Variants in CCDC149 observed in about 807,000 individuals in gnomAD.
The protein encoded by CCDC149 is coiled-coil domain-containing protein 149.
Under a neutral mutation model 59.9 loss-of-function variants are expected in CCDC149, and 45 were observed. That is an observed-to-expected ratio of 0.75 (90% CI 0.59 to 0.96). CCDC149 has a LOEUF of 0.96. CCDC149 is among the 40% of genes least tolerant of loss of function. The probability of loss-of-function intolerance (pLI) is 0.00; values close to 1 mark genes in which losing one functional copy is unlikely to be tolerated. For missense variants in CCDC149, 584 were observed against 664.7 expected, an observed-to-expected ratio of 0.88 and a Z score of 1.33; for synonymous variants, 245 against 260.6, an observed-to-expected ratio of 0.94 and a Z score of 0.58.
intron 4 of CCDC149, among the ~76,000 whole-genome samples, chr4:24,840,600 T>C (rs73103208): frequency 0.014 from 2,076 of 152,210 alleles, 50 homozygotes; most frequent in African/African-American, 0.047. Context: ...CTAGTGAGCG[T>C]CCCACATTTG....
chr4:24,874,264 T>TTTG (rs1719264207), intron 2 of CCDC149, among the ~76,000 whole-genome samples: 1 of 32,854 alleles, frequency 3.0e-5, no homozygotes, highest in African/African-American at 8.2e-5. Context: ...TTTTTTGTTT[T>TTTG]GTTTTTTTTT....
intron 4 of CCDC149, among the ~76,000 whole-genome samples, chr4:24,844,891 G>A (rs1407883844): frequency 6.6e-6 from 1 of 152,020 alleles, no homozygotes; most frequent in African/African-American, 2.4e-5. Flanking sequence ...ACTATCCTAG[G>A]TGCTGATCCC....
intron 1 of CCDC149, among the ~76,000 whole-genome samples, chr4:24,924,766 C>T (rs2109338471): frequency 6.6e-6 from 1 of 152,236 alleles, no homozygotes; most frequent in African/African-American, 2.4e-5. Flanking sequence ...TCATTTCCAC[C>T]ACATTATTTT....
intron 1 of CCDC149, among the ~76,000 whole-genome samples, chr4:24,960,672 A>G (rs2109360940): frequency 6.6e-6 from 1 of 152,338 alleles, no homozygotes; most frequent in African/African-American, 2.4e-5. Context: ...TGGCTATTTC[A>G]TTATGAAAAG....
At chr4:24,901,557 T>C (rs1202670520) in intron 1 of CCDC149, among the ~76,000 whole-genome samples, 2 of 152,192 alleles carry the variant, frequency 1.3e-5, no homozygotes, top group Admixed American at 6.5e-5. Flanking sequence ...CAGTTAAAAA[T>C]AGCAGTTGAG....
At chr4:24,872,721 C>T (rs1193528201) in intron 3 of CCDC149, among the ~76,000 whole-genome samples, 1 of 151,554 alleles carries the variant, frequency 6.6e-6, no homozygotes, top group Non-Finnish European at 1.5e-5. Flanking sequence ...CAGCATGCAC[C>T]CGCCAAATGG....
intron 1 of CCDC149, among the ~76,000 whole-genome samples, chr4:24,946,103 C>T (rs971923954): frequency 3.9e-5 from 6 of 152,184 alleles, no homozygotes; most frequent in East Asian, 1.9e-4. Flanking sequence ...AGACACACCA[C>T]CCTTGCTTGA....
intron 12 of CCDC149, among the ~76,000 whole-genome samples, chr4:24,814,533 G>A (rs534961562): frequency 5.2e-4 from 79 of 152,294 alleles, no homozygotes; most frequent in Non-Finnish European, 1.1e-3. Context: ...GACCAGCAGT[G>A]GCAGCATCAC....
chr4:24,967,133 G>T (rs1013522791), intron 1 of CCDC149, among the ~76,000 whole-genome samples: 2 of 152,120 alleles, frequency 1.3e-5, no homozygotes, highest in Admixed American at 1.3e-4. Context: ...CATTCTGGAG[G>T]TGGATATTTT....
chr4:24,917,894 T>G (rs947199467), upstream of CCDC149, among the ~76,000 whole-genome samples: 1 of 152,122 alleles, frequency 6.6e-6, no homozygotes, highest in Non-Finnish European at 1.5e-5. Flanking sequence ...GCAGGGCCCG[T>G]GCTGCTGACG....
intron 8 of CCDC149, 108 bp from the exon 9 acceptor site, chr4:24,831,758 G>A (rs1294736700): frequency 9.0e-6 from 9 of 997,238 alleles, no homozygotes; most frequent in East Asian, 2.7e-5. Flanking sequence ...GCTTCAAAAT[G>A]CTACTATGTT....
chr4:24,880,300 C>A (rs902976875), intron 1 of CCDC149, among the ~76,000 whole-genome samples: 2 of 152,232 alleles, frequency 1.3e-5, no homozygotes, highest in Admixed American at 1.3e-4. Context: ...GTACCACATA[C>A]GCTAGGCATG....
chr4:24,828,346 AT>A (rs1715901445), intron 9 of CCDC149: 1 of 152,006 alleles, frequency 6.6e-6, no homozygotes, highest in Non-Finnish European at 1.5e-5. Flanking sequence ...TATATTGTGC[AT>A]TTGCTTATAC....
intron 1 of CCDC149, among the ~76,000 whole-genome samples, chr4:24,962,982 A>T: frequency 6.6e-6 from 1 of 152,026 alleles, no homozygotes; most frequent in African/African-American, 2.4e-5. Flanking sequence ...AAACTTAAAA[A>T]AAAAAGAAAA....
intron 9 of CCDC149, chr4:24,830,327 A>G (rs960612245): frequency 3.3e-5 from 5 of 152,226 alleles, no homozygotes; most frequent in African/African-American, 1.2e-4. Context: ...CCTGAGAAGC[A>G]ACTGCATTTC....
intron 1 of CCDC149, among the ~76,000 whole-genome samples, chr4:24,976,291 A>G (rs1044248767): frequency 6.6e-6 from 1 of 152,106 alleles, no homozygotes; most frequent in African/African-American, 2.4e-5. Flanking sequence ...AGAGTCCCCC[A>G]CTTGAGGCCA....
intron 1 of CCDC149, among the ~76,000 whole-genome samples, chr4:24,912,072 G>A (rs1398481532): frequency 6.6e-6 from 1 of 152,164 alleles, no homozygotes; most frequent in Non-Finnish European, 1.5e-5. Flanking sequence ...CACCTGGAGA[G>A]GCCGGCAGCT....
At chr4:24,933,935 C>T (rs541923702) in intron 1 of CCDC149, among the ~76,000 whole-genome samples, 2 of 152,260 alleles carry the variant, frequency 1.3e-5, no homozygotes, top group Non-Finnish European at 2.9e-5. Flanking sequence ...CTGTTGCCAA[C>T]GATGCTGAAA....
intron 3 of CCDC149, among the ~76,000 whole-genome samples, chr4:24,860,792 GA>G (rs1488595343): frequency 5.3e-5 from 8 of 152,076 alleles, no homozygotes; most frequent in Non-Finnish European, 1.0e-4. Context: ...ATAAGAACAT[GA>G]AGAGACAATT....
Sources: gnomAD v4.1 joint callset for allele counts (sites outside exome capture counted in the v4.1 genomes callset) on GRCh38, gnomAD v4.1.1 for gene constraint, MANE v1.5 for transcripts, NCBI Gene and HGNC (gene_info 2026-07-23, HGNC 2026-07-21) for gene names.